TTC28: variants seen among roughly 807,000 people sequenced by gnomAD.
TTC28 encodes tetratricopeptide repeat domain 28, also known as tetratricopeptide repeat protein 28.
TTC28 carries 61 observed loss-of-function variants against 198.0 expected under a neutral mutation model. The ratio of observed to expected loss-of-function variants is 0.31; its 90% CI spans 0.25 to 0.38. The LOEUF (loss-of-function observed/expected upper bound fraction) is 0.38. Ranked by LOEUF, TTC28 falls within the 10% of genes least tolerant of loss-of-function variation. The probability of loss-of-function intolerance (pLI) is 1.00; values close to 1 mark genes in which losing one functional copy is unlikely to be tolerated. For synonymous variants in TTC28, 1,171 were observed against 1,297.8 expected, an observed-to-expected ratio of 0.90 and a Z score of 2.10; for missense variants, 2,678 against 3,164.0, an observed-to-expected ratio of 0.85 and a Z score of 3.69.
At chr22:28,523,182 A>G (rs2048941671) in intron 2 of TTC28, among the ~76,000 whole-genome samples, 2 of 152,222 alleles carry the variant, frequency 1.3e-5, no homozygotes, top group South Asian at 4.1e-4. Flanking sequence ...TGTAAACACA[A>G]ACCAAAAGAA....
At chr22:28,488,156 T>C (rs993432159) in intron 2 of TTC28, among the ~76,000 whole-genome samples, 1 of 151,972 alleles carries the variant, frequency 6.6e-6, no homozygotes, top group Non-Finnish European at 1.5e-5. Flanking sequence ...TACCAAGAAG[T>C]AGTCAAGATG....
chr22:28,046,858 T>C (rs1315941011), intron 12 of TTC28, among the ~76,000 whole-genome samples: 1 of 152,146 alleles, frequency 6.6e-6, no homozygotes, highest in African/African-American at 2.4e-5. Context: ...TATACGTGCA[T>C]GTGTGTTTGT....
At chr22:28,457,284 G>A (rs572778566) in intron 2 of TTC28, among the ~76,000 whole-genome samples, 15 of 152,234 alleles carry the variant, frequency 9.9e-5, no homozygotes, top group Middle Eastern at 6.8e-3. Context: ...CTATGACCAT[G>A]AACTGTTTAA....
At chr22:28,106,678 T>C (rs1942314770) in intron 7 of TTC28, among the ~76,000 whole-genome samples, 1 of 152,154 alleles carries the variant, frequency 6.6e-6, no homozygotes, top group Admixed American at 6.5e-5. Flanking sequence ...ATAAACACAT[T>C]CATATAATGT....
chr22:28,544,215 C>G (rs1375436196), intron 2 of TTC28, among the ~76,000 whole-genome samples: 1 of 152,134 alleles, frequency 6.6e-6, no homozygotes, highest in Non-Finnish European at 1.5e-5. Context: ...GAGACTCCGT[C>G]TCAAAAAAAC....
intron 5 of TTC28, among the ~76,000 whole-genome samples, chr22:28,192,845 C>G (rs912918376): frequency 6.6e-6 from 1 of 152,128 alleles, no homozygotes; most frequent in Admixed American, 6.5e-5. Flanking sequence ...TGAGAGAATG[C>G]AAACAAGTTG....
chr22:28,631,994 C>T (rs1224960600), intron 1 of TTC28, among the ~76,000 whole-genome samples: 1 of 152,002 alleles, frequency 6.6e-6, no homozygotes, highest in Non-Finnish European at 1.5e-5. Flanking sequence ...AGATCAAGTC[C>T]AGTACCTCCA....
chr22:27,998,284 G>A, intron 16 of TTC28: 1 of 600,228 alleles, frequency 1.7e-6, no homozygotes, highest in Non-Finnish European at 2.9e-6. Context: ...AGTGTACACT[G>A]ACATCAGGAG....
At chr22:28,325,011 C>T (rs1352202815) in intron 2 of TTC28, among the ~76,000 whole-genome samples, 2 of 152,100 alleles carry the variant, frequency 1.3e-5, no homozygotes, top group Non-Finnish European at 2.9e-5. Flanking sequence ...AGGAAGGATT[C>T]CCTCTTTTTC....
At chr22:28,047,844 G>C (rs564832188) in intron 12 of TTC28, among the ~76,000 whole-genome samples, 1 of 152,318 alleles carries the variant, frequency 6.6e-6, no homozygotes, top group Admixed American at 6.5e-5. Flanking sequence ...GATAACAAGA[G>C]TATATCCTGG....
chr22:28,001,109 CCT>C, intron 15 of TTC28: 1 of 417,632 alleles, frequency 2.4e-6, no homozygotes, highest in Non-Finnish European at 4.4e-6. Flanking sequence ...AGCTCCGTAC[CCT>C]GATGTCACAG....
chr22:28,576,572 T>A (rs1334758424), intron 2 of TTC28, among the ~76,000 whole-genome samples: 1 of 152,144 alleles, frequency 6.6e-6, no homozygotes, highest in Non-Finnish European at 1.5e-5. Context: ...TTAGTTCTTC[T>A]TTAAATGCTT....
chr22:28,471,850 GA>G (rs1259637662), intron 2 of TTC28, among the ~76,000 whole-genome samples: 1 of 152,036 alleles, frequency 6.6e-6, no homozygotes, highest in Admixed American at 6.6e-5. Flanking sequence ...GCTCTTTTGC[GA>G]GGGTAAAAAC....
intron 2 of TTC28, among the ~76,000 whole-genome samples, chr22:28,382,356 G>A (rs1887381788): frequency 6.6e-6 from 1 of 152,136 alleles, no homozygotes; most frequent in African/African-American, 2.4e-5. Flanking sequence ...AGAGCTCTGA[G>A]CTGCTTTCTC....
At chr22:28,631,550 G>T (rs1468092126) in intron 1 of TTC28, among the ~76,000 whole-genome samples, 2 of 152,092 alleles carry the variant, frequency 1.3e-5, no homozygotes, top group Non-Finnish European at 2.9e-5. Flanking sequence ...TTGAGACAGG[G>T]TCTTGCTCTG....
rs115661681 is a variant in TTC28, at chr22:28,106,069, T to A, written c.2784-267A>T. ...TACACCCCAGAGGAAACATAAAATA[T>A]ATTAATAGGCACAATGATAGCAAGT... On this transcript the variant is annotated intron_variant, in intron 7 of 22. Coordinates refer to ENST00000397906, the MANE Select transcript of TTC28 (RefSeq NM_001145418.2). Among the ~76,000 whole-genome samples, 813 of 152,304 alleles carry A rather than the reference T, an allele frequency of 5.3e-3. 7 individuals are homozygous for A. The highest frequency in any genetic ancestry group is 0.018 in the African/African-American group (761 of 41,570).
rs58131737 is a variant in TTC28 at position 28,619,665 on chromosome 22, T to G, written c.381+9887A>C. Reference sequence around the variant, plus strand: ...AAATTATGCATAGATTTCAAAAAATTTCTGCATCAAAATGAACTCAAACTA... The same window carrying G: ...AAATTATGCATAGATTTCAAAAAATGTCTGCATCAAAATGAACTCAAACTA... On this transcript the variant is annotated intron_variant, in intron 2 of 22. Coordinates refer to ENST00000397906, the MANE Select transcript of TTC28 (RefSeq NM_001145418.2). Among the ~76,000 whole-genome samples the G allele has an allele frequency of 8.2e-3, 1,244 of 152,278 alleles. 21 individuals are homozygous for G. Among genetic ancestry groups the G allele is most frequent in the African/African-American group, 0.028 (1,184 of 41,558 alleles).
At chr22:28,352,473 C>T (rs1186736336) in intron 2 of TTC28, among the ~76,000 whole-genome samples, 1 of 152,022 alleles carries the variant, frequency 6.6e-6, no homozygotes, top group Non-Finnish European at 1.5e-5. Context: ...CATTTCGGAG[C>T]TCATGTTCAA....
At chr22:28,281,762 G>A (rs780740278) in intron 5 of TTC28, among the ~76,000 whole-genome samples, 1 of 152,130 alleles carries the variant, frequency 6.6e-6, no homozygotes, top group African/African-American at 2.4e-5. Context: ...CTCAAACACC[G>A]AACTGTTTCT....
Sources: allele counts gnomAD v4.1 joint callset (sites outside exome capture counted in the v4.1 genomes callset), GRCh38; gene constraint gnomAD v4.1.1; transcripts MANE v1.5; gene names NCBI Gene and HGNC (gene_info 2026-07-23, HGNC 2026-07-21).